DDC: variants seen among roughly 807,000 people sequenced by gnomAD.
DDC encodes dopa decarboxylase, also known as aromatic-L-amino-acid decarboxylase.
A neutral mutation model predicts 60.0 loss-of-function variants in DDC; 43 were observed. The ratio of observed to expected loss-of-function variants is 0.72; its 90% CI spans 0.56 to 0.92. The LOEUF (loss-of-function observed/expected upper bound fraction) is 0.92. Ranked by LOEUF, DDC falls within the 40% of genes least tolerant of loss-of-function variation. The pLI is 0.00. For synonymous variants in DDC, 232 were observed against 234.6 expected, an observed-to-expected ratio of 0.99 and a Z score of 0.10; for missense variants, 573 against 620.2, an observed-to-expected ratio of 0.92 and a Z score of 0.81.
intron 1 of DDC, chr7:50,561,076 G>A (rs2045337044): frequency 6.6e-6 from 1 of 152,218 alleles, no homozygotes; most frequent in Non-Finnish European, 1.5e-5. Context: ...ACAGTTAAGA[G>A]GCACAGAAGA....
chr7:50,558,647 A>T (rs1186475031), intron 1 of DDC, among the ~76,000 whole-genome samples: 2 of 152,180 alleles, frequency 1.3e-5, no homozygotes, highest in East Asian at 3.9e-4. Context: ...GTTTAACTTG[A>T]CCACAGCCAC....
At chr7:50,487,420 G>C (rs1021826452) in intron 9 of DDC, among the ~76,000 whole-genome samples, 1 of 152,112 alleles carries the variant, frequency 6.6e-6, no homozygotes, top group Non-Finnish European at 1.5e-5. Context: ...AAACACGCGA[G>C]GATGTGTTTT....
intron 1 of DDC, chr7:50,561,094 GC>G (rs1400836884): frequency 6.6e-6 from 1 of 152,204 alleles, no homozygotes; most frequent in Non-Finnish European, 1.5e-5. Context: ...AGATGTGATT[GC>G]CATTTATGTA....
intron 13 of DDC, among the ~76,000 whole-genome samples, 181 bp from the exon 14 acceptor site, chr7:50,463,612 G>C (rs2042333898): frequency 1.3e-5 from 2 of 152,156 alleles, no homozygotes; most frequent in African/African-American, 4.8e-5. Flanking sequence ...CACCCTAAAA[G>C]ACTGCATGCA....
chr7:50,493,275 G>A (rs145850150), intron 9 of DDC, among the ~76,000 whole-genome samples: 5 of 152,310 alleles, frequency 3.3e-5, no homozygotes, highest in Non-Finnish European at 7.4e-5. Flanking sequence ...TCCAGGCATT[G>A]AGGACGGCCT....
chr7:50,535,160 CT>C (rs140912314), intron 4 of DDC, among the ~76,000 whole-genome samples: 129 of 146,374 alleles, frequency 8.8e-4, no homozygotes, highest in Middle Eastern at 3.6e-3. Context: ...TCTTTTCTTT[CT>C]TTTTTTTTTT....
At chr7:50,563,391 T>C (rs1199021783) in intron 1 of DDC, among the ~76,000 whole-genome samples, 1 of 152,152 alleles carries the variant, frequency 6.6e-6, no homozygotes, top group East Asian at 1.9e-4. Flanking sequence ...TAAAGCAAGA[T>C]GATTACTTTT....
At chr7:50,553,403 A>G (rs534156578) in intron 1 of DDC, among the ~76,000 whole-genome samples, 49 of 152,016 alleles carry the variant, frequency 3.2e-4, no homozygotes, top group Non-Finnish European at 6.0e-4. Context: ...GCATATACTT[A>G]TAAATCCAGG....
At chr7:50,513,347 C>G (rs538492418) in intron 6 of DDC, among the ~76,000 whole-genome samples, 43 of 152,312 alleles carry the variant, frequency 2.8e-4, no homozygotes, top group African/African-American at 1.0e-3. Flanking sequence ...GGTTCCCAAG[C>G]AGGTCATTCC....
intron 1 of DDC, among the ~76,000 whole-genome samples, chr7:50,554,325 G>A (rs139888252): frequency 1.9e-4 from 29 of 152,198 alleles, no homozygotes; most frequent in African/African-American, 6.7e-4. Flanking sequence ...CAGGGGGAGA[G>A]GGGAAATATG....
rs115538399 is a variant in DDC at position 50,513,865 on chromosome 7, C to T, written c.715-9806G>A. 9.0e-3 allele frequency among the ~76,000 whole-genome samples: 1,373 copies of T among 152,172 alleles called. 17 individuals carry two copies. The highest frequency in any genetic ancestry group is 0.025 in the African/African-American group (1,018 of 41,508). On this transcript the variant is annotated intron_variant, in intron 6 of 14. Transcript: ENST00000444124. ...GCCCAGACATGCCTAGCCCCACCCC[C>T]GCCTGGTGGTCGGTCCCTACCCACC...
chr7:50,493,462 C>T (rs948478826), intron 9 of DDC, among the ~76,000 whole-genome samples: 2 of 152,184 alleles, frequency 1.3e-5, no homozygotes, highest in African/African-American at 4.8e-5. Context: ...CTGGTCCTTC[C>T]GAACTCCAGC....
intron 14 of DDC, among the ~76,000 whole-genome samples, chr7:50,462,254 T>TAAACAG (rs2042294809): frequency 9.7e-6 from 1 of 102,904 alleles, no homozygotes; most frequent in Non-Finnish European, 2.1e-5. Context: ...AAAAAGAAAA[T>TAAACAG]AAACAGAAAA....
intron 9 of DDC, among the ~76,000 whole-genome samples, chr7:50,483,883 G>A (rs1041338813): frequency 1.0e-4 from 15 of 144,834 alleles, no homozygotes; most frequent in Non-Finnish European, 1.9e-4. Flanking sequence ...CAGCCTGGGC[G>A]ACAGAGCAAG....
At chr7:50,482,332 C>A (rs1005265875) in intron 9 of DDC, among the ~76,000 whole-genome samples, 2 of 152,192 alleles carry the variant, frequency 1.3e-5, no homozygotes, top group African/African-American at 4.8e-5. Flanking sequence ...TTAAGCATAT[C>A]TGTTTCCTCC....
chr7:50,555,258 G>A (rs1225818922), intron 1 of DDC, among the ~76,000 whole-genome samples: 2 of 152,176 alleles, frequency 1.3e-5, no homozygotes. Context: ...GGGTTCCTGA[G>A]AAGCATGGCT....
At chr7:50,485,963 G>C (rs941030431) in intron 9 of DDC, among the ~76,000 whole-genome samples, 5 of 152,168 alleles carry the variant, frequency 3.3e-5, no homozygotes, top group Non-Finnish European at 5.9e-5. Flanking sequence ...TCATTATGAA[G>C]TATACTTGCT....
At chr7:50,483,842 T>G (rs949253723) in intron 9 of DDC, among the ~76,000 whole-genome samples, 2 of 151,118 alleles carry the variant, frequency 1.3e-5, no homozygotes, top group African/African-American at 2.4e-5. Flanking sequence ...AGGTGGAGCT[T>G]GCAGTGAGCC....
At chr7:50,502,705 G>C (rs1240227830) in intron 7 of DDC, among the ~76,000 whole-genome samples, 1 of 152,224 alleles carries the variant, frequency 6.6e-6, no homozygotes, top group Non-Finnish European at 1.5e-5. Context: ...GTAAGTCTAT[G>C]CCACCCACCT....
Sources: allele counts gnomAD v4.1 joint callset (sites outside exome capture counted in the v4.1 genomes callset), GRCh38; gene constraint gnomAD v4.1.1; transcripts MANE v1.5; gene names NCBI Gene and HGNC (gene_info 2026-07-23, HGNC 2026-07-21).